CNST: variants seen among roughly 807,000 people sequenced by gnomAD.
CNST encodes the protein consortin.
A neutral mutation model predicts 72.4 loss-of-function variants in CNST; 39 were observed. The ratio of observed to expected loss-of-function variants is 0.54; its 90% confidence interval spans 0.42 to 0.70. The LOEUF (loss-of-function observed/expected upper bound fraction) is 0.70, where lower values mean the gene tolerates loss of function less well. Ranked by LOEUF, CNST falls within the 30% of genes least tolerant of loss-of-function variation. The probability of loss-of-function intolerance (pLI) is 0.00; values close to 1 mark genes in which losing one functional copy is unlikely to be tolerated. For missense variants in CNST, 871 were observed against 868.5 expected, an observed-to-expected ratio of 1.00 and a Z score of -0.04; for synonymous variants, 332 against 320.1, an observed-to-expected ratio of 1.04 and a Z score of -0.40.
At chr1:246,621,360 A>T in intron 2 of CNST, 69 bp from the exon 3 acceptor site, 1 of 1,204,958 alleles carries the variant, frequency 8.3e-7, no homozygotes, top group Non-Finnish European at 1.2e-6. Flanking sequence ...AACTATATGT[A>T]ATTGTTTTAA....
intron 4 of CNST, 120 bp from the exon 5 acceptor site, chr1:246,633,804 T>C: frequency 1.6e-6 from 1 of 608,956 alleles, no homozygotes; most frequent in South Asian, 2.3e-5. Context: ...TAAAAATATT[T>C]AGAGTCCTCT....
intron 2 of CNST, among the ~76,000 whole-genome samples, chr1:246,594,404 T>C (rs1055204699): frequency 5.9e-5 from 9 of 152,226 alleles, no homozygotes; most frequent in African/African-American, 1.4e-4. Flanking sequence ...ATATGATTTA[T>C]AAAATCTAGG....
intron 1 of CNST, among the ~76,000 whole-genome samples, chr1:246,574,814 C>T (rs1360093357): frequency 6.6e-6 from 1 of 150,722 alleles, no homozygotes; most frequent in Admixed American, 6.6e-5. Flanking sequence ...GCATGTCCTT[C>T]CTAAATCTCT....
At chr1:246,657,123 T>C (rs576385161) in intron 9 of CNST, among the ~76,000 whole-genome samples, 32 of 152,254 alleles carry the variant, frequency 2.1e-4, no homozygotes, top group African/African-American at 7.0e-4. Flanking sequence ...ACCAAACTTG[T>C]TTCTTAAGAT....
At chr1:246,602,741 G>A (rs976330923) in intron 2 of CNST, among the ~76,000 whole-genome samples, 1 of 152,104 alleles carries the variant, frequency 6.6e-6, no homozygotes, top group African/African-American at 2.4e-5. Flanking sequence ...GGAGAAAGTC[G>A]GTGCCTCAGA....
chr1:246,667,441 A>T lies in CNST; in HGVS notation c.*1536A>T, dbSNP rs1225774077. 6.6e-6 allele frequency: 1 copy of T among 152,106 alleles called. No individual in the cohort carries two copies. The highest frequency in any genetic ancestry group is 1.5e-5 in the Non-Finnish European group (1 of 68,004). 9.4% of individuals were successfully genotyped at this position (152,106 alleles called of 1,614,324 possible). ...GTTCCGCGTGTTTTTACACTTGTTC[A>T]TTTTAAATTGATGTTTCATTTTCAC... is the stretch of plus-strand genomic sequence containing the variant. On this transcript the variant is annotated 3_prime_UTR_variant, in exon 11 of 11. Transcript: ENST00000366513.
chr1:246,610,385 A>ATGGAAATCAGAT (rs2103058815), intron 2 of CNST, among the ~76,000 whole-genome samples: 1 of 151,976 alleles, frequency 6.6e-6, no homozygotes, highest in East Asian at 1.9e-4. Context: ...GATTTCCTTT[A>ATGGAAATCAGAT]GTTCTTCATC....
chr1:246,652,911 G>A (rs1666558519), intron 9 of CNST, among the ~76,000 whole-genome samples: 1 of 151,070 alleles, frequency 6.6e-6, no homozygotes, highest in South Asian at 2.1e-4. Context: ...GGCTGAGGCA[G>A]GAGAATGGCG....
intron 4 of CNST, among the ~76,000 whole-genome samples, chr1:246,633,145 T>G (rs1664882580): frequency 6.6e-6 from 1 of 152,148 alleles, no homozygotes. Flanking sequence ...ATTTACCTAC[T>G]TCAAAACCAA....
chr1:246,642,079 C>T, intron 8 of CNST, 42 bp downstream of exon 8: 1 of 1,048,828 alleles, frequency 9.5e-7, no homozygotes, highest in Non-Finnish European at 1.4e-6. Flanking sequence ...TAAAAGATAC[C>T]TGCCTCTTCT....
intron 1 of CNST, among the ~76,000 whole-genome samples, chr1:246,578,871 T>TTCTGAGAACTG (rs1249715042): frequency 1.3e-5 from 2 of 152,186 alleles, no homozygotes; most frequent in Non-Finnish European, 2.9e-5. Flanking sequence ...TGAGTCCTAA[T>TTCTGAGAACTG]TCTGAGAACT....
chr1:246,652,294 G>T (rs10924791), intron 9 of CNST, among the ~76,000 whole-genome samples: 31,397 of 152,066 alleles, frequency 0.21, 3,447 homozygotes, highest in Admixed American at 0.24. Flanking sequence ...AAACTTGAAC[G>T]AAATGTGCCA....
At chr1:246,638,747 C>T (rs1039267735) in intron 6 of CNST, among the ~76,000 whole-genome samples, 6 of 151,964 alleles carry the variant, frequency 3.9e-5, no homozygotes, top group Non-Finnish European at 8.8e-5. Context: ...AATGAGGCAT[C>T]TGGAAGGGGT....
At chr1:246,576,770 A>G (rs1660080339) in intron 1 of CNST, among the ~76,000 whole-genome samples, 1 of 151,976 alleles carries the variant, frequency 6.6e-6, no homozygotes, top group Admixed American at 6.6e-5. Context: ...CTGGGGTTAC[A>G]GGCGTGAGCC....
chr1:246,595,492 A>G (rs1661817602), intron 2 of CNST, among the ~76,000 whole-genome samples: 1 of 152,186 alleles, frequency 6.6e-6, no homozygotes, highest in Non-Finnish European at 1.5e-5. Context: ...TCCATCCTCC[A>G]TGTCAAAAAT....
At chr1:246,637,749 G>A (rs1287391726) in intron 6 of CNST, among the ~76,000 whole-genome samples, 1 of 152,198 alleles carries the variant, frequency 6.6e-6, no homozygotes, top group Non-Finnish European at 1.5e-5. Context: ...GCTGGTGAAG[G>A]TGGGCCTGTT....
At chr1:246,577,003 T>G (rs1455155836) in intron 1 of CNST, among the ~76,000 whole-genome samples, 3 of 151,994 alleles carry the variant, frequency 2.0e-5, no homozygotes, top group Non-Finnish European at 2.9e-5. Flanking sequence ...CTTAAAATTT[T>G]TTAAAAATTG....
intron 2 of CNST, among the ~76,000 whole-genome samples, chr1:246,614,006 TTAAA>T: frequency 6.6e-6 from 1 of 152,142 alleles, no homozygotes; most frequent in East Asian, 2.0e-4. Flanking sequence ...TGTGAGGTCT[TTAAA>T]TAACCCTTCC....
intron 3 of CNST, among the ~76,000 whole-genome samples, chr1:246,623,230 GA>G (rs936113550): frequency 7.3e-5 from 11 of 151,146 alleles, no homozygotes; most frequent in African/African-American, 2.4e-4. Flanking sequence ...AACCCATTTA[GA>G]AAAAAAAATA....
Sources: allele counts gnomAD v4.1 joint callset (sites outside exome capture counted in the v4.1 genomes callset), GRCh38; gene constraint gnomAD v4.1.1; transcripts MANE v1.5; gene names NCBI Gene and HGNC (gene_info 2026-07-23, HGNC 2026-07-21).